The following SEMA5A variants were observed in gnomAD, a reference collection of about 807,000 sequenced individuals.
SEMA5A encodes semaphorin-5A.
Under a neutral mutation model 135.5 loss-of-function variants are expected in SEMA5A, and 55 were observed. That is an observed-to-expected ratio of 0.41 (90% confidence interval 0.33 to 0.51). The LOEUF (loss-of-function observed/expected upper bound fraction) is 0.51. Ranked by LOEUF, SEMA5A falls within the 20% of genes least tolerant of loss-of-function variation. The pLI is 0.37. For synonymous variants in SEMA5A, 580 were observed against 546.5 expected, an observed-to-expected ratio of 1.06 and a Z score of -0.85; for missense variants, 1,290 against 1,419.9, an observed-to-expected ratio of 0.91 and a Z score of 1.47.
At chr5:9,056,205 C>T (rs927111061) in intron 18 of SEMA5A, among the ~76,000 whole-genome samples, 10 of 152,080 alleles carry the variant, frequency 6.6e-5, no homozygotes, top group Non-Finnish European at 1.3e-4. Context: ...AGATGAATGG[C>T]CGACAAGTGT....
chr5:9,239,373 C>G (rs993425979), intron 5 of SEMA5A, among the ~76,000 whole-genome samples: 1 of 152,066 alleles, frequency 6.6e-6, no homozygotes, highest in African/African-American at 2.4e-5. Context: ...GATTTGAATT[C>G]CATACCAGGA....
chr5:9,352,314 AT>A (rs1457620223), intron 3 of SEMA5A, among the ~76,000 whole-genome samples: 1 of 151,838 alleles, frequency 6.6e-6, no homozygotes, highest in East Asian at 1.9e-4. Flanking sequence ...ATTTTATTTT[AT>A]TTTTTAATTT....
chr5:9,137,217 A>G (rs182905079), intron 12 of SEMA5A, among the ~76,000 whole-genome samples: 1 of 152,372 alleles, frequency 6.6e-6, no homozygotes, highest in Admixed American at 6.5e-5. Context: ...TTCAACATGA[A>G]TAGTTCAAAC....
chr5:9,050,231 G>T (rs759895643), intron 21 of SEMA5A, among the ~76,000 whole-genome samples, 179 bp downstream of exon 21: 10 of 152,216 alleles, frequency 6.6e-5, no homozygotes, highest in African/African-American at 2.4e-4. Context: ...ACCACCGATC[G>T]GTACATCAAA....
At chr5:9,313,277 A>G (rs949504720) in intron 5 of SEMA5A, among the ~76,000 whole-genome samples, 1 of 152,166 alleles carries the variant, frequency 6.6e-6, no homozygotes, top group African/African-American at 2.4e-5. Flanking sequence ...AGGAATGAAT[A>G]TATCAGTCAG....
intron 5 of SEMA5A, among the ~76,000 whole-genome samples, chr5:9,254,539 T>C (rs1748963599): frequency 1.3e-5 from 2 of 152,068 alleles, no homozygotes; most frequent in South Asian, 4.1e-4. Flanking sequence ...CCACAAGGAA[T>C]GTTGAGGAAT....
intron 5 of SEMA5A, among the ~76,000 whole-genome samples, chr5:9,299,147 C>T (rs759579352): frequency 6.6e-6 from 1 of 152,064 alleles, no homozygotes; most frequent in African/African-American, 2.4e-5. Flanking sequence ...ACCTAATGTG[C>T]GCGCAAATCT....
intron 1 of SEMA5A, among the ~76,000 whole-genome samples, chr5:9,448,360 G>T (rs921842854): frequency 6.6e-6 from 1 of 152,186 alleles, no homozygotes; most frequent in Non-Finnish European, 1.5e-5. Context: ...TGCAAACCAT[G>T]TTTGACAAAA....
chr5:9,457,054 C>A (rs1758865257), intron 1 of SEMA5A, among the ~76,000 whole-genome samples: 1 of 152,140 alleles, frequency 6.6e-6, no homozygotes, highest in African/African-American at 2.4e-5. Context: ...CTAGATCGAG[C>A]CTAGCAAATT....
At chr5:9,096,357 T>C (rs1319165406) in intron 16 of SEMA5A, among the ~76,000 whole-genome samples, 1 of 152,206 alleles carries the variant, frequency 6.6e-6, no homozygotes, top group Non-Finnish European at 1.5e-5. Flanking sequence ...TGCACTCTCC[T>C]GCCAACCTAA....
chr5:9,335,252 A>G (rs1753334519), intron 4 of SEMA5A, among the ~76,000 whole-genome samples: 1 of 152,092 alleles, frequency 6.6e-6, no homozygotes, highest in East Asian at 1.9e-4. Flanking sequence ...AGAGAGAGAG[A>G]CACCCCACTG....
At chr5:9,269,809 T>A (rs1288537368) in intron 5 of SEMA5A, among the ~76,000 whole-genome samples, 2 of 152,148 alleles carry the variant, frequency 1.3e-5, no homozygotes, top group East Asian at 3.8e-4. Context: ...AAGAATTAGT[T>A]CTAACACTCA....
At chr5:9,063,249 T>C (rs1737282744) in intron 17 of SEMA5A, 144 bp from the exon 18 acceptor site, 1 of 760,852 alleles carries the variant, frequency 1.3e-6, no homozygotes, top group African/African-American at 1.7e-5. Flanking sequence ...TACACTTCAG[T>C]AGCCAAAAAT....
At chr5:9,481,895 T>C (rs1172213319) in intron 1 of SEMA5A, among the ~76,000 whole-genome samples, 1 of 152,196 alleles carries the variant, frequency 6.6e-6, no homozygotes, top group Non-Finnish European at 1.5e-5. Flanking sequence ...CACACACATC[T>C]GTCTGTCGCA....
chr5:9,414,102 T>C (rs935666993), intron 2 of SEMA5A, among the ~76,000 whole-genome samples: 5 of 152,214 alleles, frequency 3.3e-5, no homozygotes, highest in African/African-American at 1.2e-4. Flanking sequence ...CCCTTTTGTC[T>C]TGGTGAAATG....
intron 8 of SEMA5A, among the ~76,000 whole-genome samples, chr5:9,212,127 T>C (rs763578964): frequency 3.3e-5 from 5 of 152,246 alleles, no homozygotes; most frequent in African/African-American, 4.8e-5. Context: ...ACTCAAGTTT[T>C]TCCTCTGTGT....
At chr5:9,327,116 C>T (rs1752914430) in intron 4 of SEMA5A, among the ~76,000 whole-genome samples, 1 of 151,976 alleles carries the variant, frequency 6.6e-6, no homozygotes, top group South Asian at 2.1e-4. Context: ...AATTACAAAG[C>T]CTTTCCAAAT....
chr5:9,277,807 A>G (rs980218647), intron 5 of SEMA5A, among the ~76,000 whole-genome samples: 2 of 151,580 alleles, frequency 1.3e-5, no homozygotes, highest in African/African-American at 4.8e-5. Flanking sequence ...ACGCACTGTC[A>G]GGGGGGTGCG....
rs77508463 is a variant in SEMA5A, at chr5:9,434,273, A to G, written c.-78+3483T>C. Among the ~76,000 whole-genome samples the G allele has an allele frequency of 5.9e-5, 9 of 152,294 alleles. No individual in the cohort carries two copies. In the East Asian group the frequency reaches 1.7e-3, roughly 29 times the overall value. ...CAGTATGCAGAATTTTATGTCTAGT[A>G]TTATCTCAACTCTTTAAACTGCTTA... On this transcript the variant is annotated intron_variant, in intron 2 of 22. Transcript: ENST00000382496.
Sources: allele counts gnomAD v4.1 joint callset (sites outside exome capture counted in the v4.1 genomes callset), GRCh38; gene constraint gnomAD v4.1.1; transcripts MANE v1.5; gene names NCBI Gene and HGNC (gene_info 2026-07-23, HGNC 2026-07-21).